The following CNTNAP2 variants were observed in gnomAD, a reference collection of about 807,000 sequenced individuals.
The protein encoded by CNTNAP2 is contactin-associated protein-like 2.
CNTNAP2 carries 98 observed loss-of-function variants against 155.2 expected under a neutral mutation model. The observed-to-expected ratio is 0.63, with a 90% CI of 0.54 to 0.75. The LOEUF (loss-of-function observed/expected upper bound fraction) is 0.75. CNTNAP2 is among the 30% of genes least tolerant of loss of function. The pLI is 0.00. For synonymous variants in CNTNAP2, 651 were observed against 631.2 expected, an observed-to-expected ratio of 1.03 and a Z score of -0.47; for missense variants, 1,727 against 1,688.1, an observed-to-expected ratio of 1.02 and a Z score of -0.40.
intron 9 of CNTNAP2, among the ~76,000 whole-genome samples, chr7:147,384,986 G>A (rs1385439415): frequency 6.6e-5 from 10 of 152,104 alleles, no homozygotes; most frequent in Admixed American, 6.6e-4. Flanking sequence ...CACATGGCTG[G>A]GGAAGTCTCA....
intron 9 of CNTNAP2, among the ~76,000 whole-genome samples, chr7:147,350,236 C>G (rs1232280179): frequency 6.6e-6 from 1 of 151,824 alleles, no homozygotes; most frequent in African/African-American, 2.4e-5. Flanking sequence ...GTACAGAATT[C>G]TTCAGTGCAT....
intron 1 of CNTNAP2, among the ~76,000 whole-genome samples, chr7:146,215,115 A>C (rs969801692): frequency 6.6e-6 from 1 of 152,258 alleles, no homozygotes; most frequent in Non-Finnish European, 1.5e-5. Context: ...ATTTTTAGCT[A>C]TAAATGCATA....
intron 21 of CNTNAP2, among the ~76,000 whole-genome samples, chr7:148,269,314 A>C (rs1258308746): frequency 6.6e-6 from 1 of 152,196 alleles, no homozygotes; most frequent in African/African-American, 2.4e-5. Flanking sequence ...TGAAAACAGC[A>C]CTCAGGCACA....
intron 1 of CNTNAP2, among the ~76,000 whole-genome samples, chr7:146,625,388 G>T (rs1056548305): frequency 6.6e-6 from 1 of 151,772 alleles, no homozygotes; most frequent in African/African-American, 2.4e-5. Flanking sequence ...TATGAGACCA[G>T]AAATGAATGG....
At chr7:148,099,006 C>G (rs912380734) in intron 15 of CNTNAP2, among the ~76,000 whole-genome samples, 1 of 152,140 alleles carries the variant, frequency 6.6e-6, no homozygotes, top group African/African-American at 2.4e-5. Flanking sequence ...AGCTCATGCT[C>G]TATTTACGAG....
intron 8 of CNTNAP2, among the ~76,000 whole-genome samples, chr7:147,243,886 C>T (rs1328460734): frequency 6.6e-6 from 1 of 152,024 alleles, no homozygotes; most frequent in Non-Finnish European, 1.5e-5. Context: ...ACCAAGGACA[C>T]ACTAAAATTG....
At position 147,364,773 on chromosome 7, in the gene CNTNAP2, C is replaced by A. The variant is rs566386272; in HGVS notation, c.1499-30836C>A. On this transcript the variant is annotated intron_variant, in intron 9 of 23. Transcript: ENST00000361727. The stretch of plus-strand genomic sequence containing the variant: ...CTGAGGCAGGAGAATGGCGTGAACT[C>A]GGGAGGCGGAGCTTGCGGTGAGCCG... 1.1e-4 allele frequency among the ~76,000 whole-genome samples: 16 copies of A among 151,410 alleles called. No homozygotes were observed. In the South Asian group the frequency reaches 3.4e-3, roughly 32 times the overall value.
chr7:146,331,385 G>A (rs1801185698), intron 1 of CNTNAP2, among the ~76,000 whole-genome samples: 1 of 151,938 alleles, frequency 6.6e-6, no homozygotes, highest in African/African-American at 2.4e-5. Flanking sequence ...ATCCAGCAGT[G>A]TGATTTCTGG....
chr7:147,632,937 C>T (rs1795112021), intron 12 of CNTNAP2, among the ~76,000 whole-genome samples: 1 of 152,034 alleles, frequency 6.6e-6, no homozygotes, highest in Non-Finnish European at 1.5e-5. Context: ...GCATTTTGTC[C>T]CTGCCTCATT....
At chr7:147,853,292 C>T (rs1798982054) in intron 13 of CNTNAP2, among the ~76,000 whole-genome samples, 2 of 152,154 alleles carry the variant, frequency 1.3e-5, no homozygotes, top group Non-Finnish European at 2.9e-5. Flanking sequence ...TTATTGCATT[C>T]AATTCTAGAC....
At chr7:147,572,701 AACACACACACACACACAC>A (rs55950116) in intron 12 of CNTNAP2, among the ~76,000 whole-genome samples, 2 of 148,984 alleles carry the variant, frequency 1.3e-5, no homozygotes. Context: ...CAGGATGGGA[AACACACACACACACACAC>A]ACACACACAC....
chr7:148,179,633 G>T (rs1795001609), intron 18 of CNTNAP2, among the ~76,000 whole-genome samples: 1 of 134,240 alleles, frequency 7.4e-6, no homozygotes, highest in Non-Finnish European at 1.6e-5. Flanking sequence ...AGGAAGGAGA[G>T]AAAGAGAGAA....
At position 146,849,392 on chromosome 7, in the gene CNTNAP2, C is replaced by T. The variant is rs117121594; in HGVS notation, c.402+9488C>T. Among the ~76,000 whole-genome samples, 1,375 of 152,234 alleles carry T rather than the reference C, an allele frequency of 9.0e-3. 12 individuals carry two copies. The highest frequency in any genetic ancestry group is 0.015 in the Admixed American group (229 of 15,282). ...ACTGACCTCACTACTGAATATGGAG[C>T]CAAATACTTATTTTGGTTCAGCAAG... On this transcript the variant is annotated intron_variant, in intron 3 of 23. Transcript: ENST00000361727.
At chr7:148,208,239 T>C (rs1315475259) in intron 18 of CNTNAP2, among the ~76,000 whole-genome samples, 2 of 152,244 alleles carry the variant, frequency 1.3e-5, no homozygotes, top group African/African-American at 4.8e-5. Context: ...CTAGGCTTTC[T>C]GCCTTTGAGT....
intron 15 of CNTNAP2, among the ~76,000 whole-genome samples, chr7:148,094,759 G>C (rs1017803017): frequency 6.6e-6 from 1 of 152,232 alleles, no homozygotes; most frequent in African/African-American, 2.4e-5. Flanking sequence ...AGCGCAATGA[G>C]TTTGGTTTTA....
At chr7:146,205,749 A>G (rs1798935762) in intron 1 of CNTNAP2, among the ~76,000 whole-genome samples, 1 of 151,966 alleles carries the variant, frequency 6.6e-6, no homozygotes, top group African/African-American at 2.4e-5. Context: ...AAAGTCTAAC[A>G]TAGCAACTTG....
chr7:148,205,885 A>G (rs1204970668), intron 18 of CNTNAP2, among the ~76,000 whole-genome samples: 1 of 152,198 alleles, frequency 6.6e-6, no homozygotes, highest in East Asian at 1.9e-4. Flanking sequence ...GTCTAGAGAG[A>G]AGCCTGGTGC....
intron 1 of CNTNAP2, among the ~76,000 whole-genome samples, chr7:146,230,782 G>C (rs1286046001): frequency 6.6e-6 from 1 of 152,066 alleles, no homozygotes; most frequent in African/African-American, 2.4e-5. Context: ...TTGGGAGGCC[G>C]AGGCAGGTGG....
chr7:148,199,506 G>A (rs1299394798), intron 18 of CNTNAP2, among the ~76,000 whole-genome samples: 3 of 152,158 alleles, frequency 2.0e-5, no homozygotes, highest in South Asian at 2.1e-4. Context: ...TGCCCATGTC[G>A]AAAACACGTC....
Sources: allele counts gnomAD v4.1 joint callset (sites outside exome capture counted in the v4.1 genomes callset), GRCh38; gene constraint gnomAD v4.1.1; transcripts MANE v1.5; gene names NCBI Gene and HGNC (gene_info 2026-07-23, HGNC 2026-07-21).